ALG1: variants seen among roughly 807,000 people sequenced by gnomAD.
ALG1 encodes the protein ALG1 chitobiosyldiphosphodolichol beta-mannosyltransferase.
A neutral mutation model predicts 55.1 loss-of-function variants in ALG1; 58 were observed. The observed-to-expected ratio is 1.05, with a 90% confidence interval of 0.85 to 1.31. The LOEUF (loss-of-function observed/expected upper bound fraction) is 1.31. ALG1 is among the 50% of genes most tolerant of loss of function. The pLI, the probability that ALG1 is intolerant of heterozygous loss-of-function variation, is 0.00. For missense variants in ALG1, 761 were observed against 598.6 expected (o/e 1.27, Z -2.83); for synonymous variants, 309 against 247.0 (o/e 1.25, Z -2.35).
intron 5 of ALG1, 140 bp downstream of exon 5, chr16:5,077,674 G>C: frequency 1.9e-6 from 2 of 1,057,606 alleles, no homozygotes; most frequent in East Asian, 5.0e-5. Flanking sequence ...CTTTGGTTTG[G>C]GGAAGCTGGG....
In ALG1 at chr16:5,073,139, T is replaced by A; in HGVS notation, c.287-14T>A. The A allele has an allele frequency of 6.2e-7, 1 of 1,613,900 alleles. No homozygotes were observed. Among genetic ancestry groups the A allele is most frequent in the South Asian group, 1.1e-5 (1 of 91,086 alleles). On this transcript the variant is annotated splice_polypyrimidine_tract_variant and intron_variant, in intron 2 of 12. Coordinates refer to ENST00000262374, the MANE Select transcript of ALG1 (RefSeq NM_019109.5). ...ACGCTCCTTTGGTAGTCACAGGTGT[T>A]TTCTGACTTGCAGTTGGGCCCCGAG...
intron 10 of ALG1, among the ~76,000 whole-genome samples, chr16:5,081,422 G>C (rs1957016268): frequency 6.6e-6 from 1 of 152,252 alleles, no homozygotes; most frequent in African/African-American, 2.4e-5. Context: ...CCAGTGAGAT[G>C]GTTCTCCTTT....
intron 10 of ALG1, among the ~76,000 whole-genome samples, chr16:5,082,324 A>G (rs1480087579): frequency 7.1e-6 from 1 of 140,256 alleles, no homozygotes; most frequent in Non-Finnish European, 1.6e-5. Flanking sequence ...AAACAAAACA[A>G]CACAACAACA....
intron 9 of ALG1, among the ~76,000 whole-genome samples, chr16:5,080,483 G>A (rs1005245370): frequency 2.0e-5 from 3 of 152,222 alleles, no homozygotes; most frequent in African/African-American, 4.8e-5. Context: ...AAGCGGAAGC[G>A]GTGTGGGAAG....
Position 5,078,799 on chromosome 16 carries a change from G to A in ALG1, c.783G>A (p.Thr261=), listed in dbSNP as rs757859816. The change falls in exon 7 of 13, where the codon ACG becomes ACA. Residue 261 remains threonine (T), a synonymous_variant. Coordinates refer to ENST00000262374, the MANE Select transcript of ALG1 (RefSeq NM_019109.5). ...EDPVTERSAF[T]ERDAGSGLVT... is the part of the protein sequence containing the mutation. ...CAGTCACGGAGCGGTCGGCCTTCAC[G>A]GAGCGGGATGCTGGGAGCGGGCTGG... The A allele has an allele frequency of 7.4e-6, 12 of 1,612,734 alleles. No individual in the cohort carries two copies. The highest frequency in any genetic ancestry group is 5.0e-5 in the Admixed American group (3 of 59,996).
intron 5 of ALG1, 152 bp from the exon 6 acceptor site, chr16:5,077,755 C>T (rs1368205586): frequency 3.9e-6 from 4 of 1,026,040 alleles, no homozygotes; most frequent in East Asian, 2.5e-5. Context: ...GGACGTCTCT[C>T]TGTGCATTCC....
intron 3 of ALG1, 53 bp from the exon 4 acceptor site, chr16:5,075,335 T>A (rs1956890238): frequency 4.4e-6 from 7 of 1,588,210 alleles, no homozygotes; most frequent in Middle Eastern, 3.3e-4. Context: ...TTACTGGGTT[T>A]ATTGCCTAGC....
Position 5,072,002 on chromosome 16 carries a change from C to A in ALG1, c.153C>A (p.Tyr51Ter). Reference sequence around the variant, plus strand: ...TGGGCCGCAGCCCCCGTATGCAGTACCACGCGCTGTCGTTGGCCATGCACG... The same window carrying A: ...TGGGCCGCAGCCCCCGTATGCAGTAACACGCGCTGTCGTTGGCCATGCACG... ...GDVGRSPRMQYHALSLAMHGF... is the reference protein window; with the variant it reads ...GDVGRSPRMQ The change falls in exon 1 of 13, where the codon TAC (tyrosine) becomes TAA (stop). Residue 51 changes from tyrosine (Y) to a stop codon, truncating the protein, a stop_gained. Coordinates refer to ENST00000262374, the MANE Select transcript of ALG1 (RefSeq NM_019109.5). LOFTEE classifies it high-confidence loss of function. 2 of 1,598,054 alleles carry A rather than the reference C, an allele frequency of 1.3e-6. No individual in the cohort carries two copies. The highest frequency in any genetic ancestry group is 2.3e-5 in the East Asian group (1 of 44,088).
chr16:5,077,421 C>G (rs756866348), intron 4 of ALG1, 24 bp from the exon 5 acceptor site: 12 of 1,606,316 alleles, frequency 7.5e-6, no homozygotes, highest in African/African-American at 1.3e-5. Context: ...TAGGGCTCTG[C>G]TGACTGCTGA....
chr16:5,077,538 C>T lies in ALG1; in HGVS notation c.629+4C>T, dbSNP rs1368895001. 6.2e-7 allele frequency: 1 copy of T among 1,614,034 alleles called. No individual in the cohort carries two copies. Among genetic ancestry groups the T allele is most frequent in the Non-Finnish European group, 8.5e-7 (1 of 1,179,894 alleles). On this transcript the variant is annotated splice_donor_region_variant and intron_variant, in intron 5 of 12. Transcript: ENST00000262374. ...TGGCGGATAACTGGCACATCAGGTA[C>T]CATGGCCTGGGATGACGGCGGCCTG...
At chr16:5,074,735 A>G (rs1346453164) in intron 3 of ALG1, among the ~76,000 whole-genome samples, 1 of 152,178 alleles carries the variant, frequency 6.6e-6, no homozygotes, top group Non-Finnish European at 1.5e-5. Flanking sequence ...GCCCCCGCTG[A>G]GTGGGGGTAC....
intron 2 of ALG1, 50 bp downstream of exon 2, chr16:5,073,078 G>C (rs372900716): frequency 7.9e-5 from 128 of 1,611,440 alleles, no homozygotes; most frequent in Non-Finnish European, 1.0e-4. Flanking sequence ...GCTGGGGGCA[G>C]GGGGTGTTCG....
Position 5,081,009 on chromosome 16 carries a change from A to C in ALG1, c.1025A>C (p.Gln342Pro), listed in dbSNP as rs267606651. The change falls in exon 10 of 13, where the codon CAG becomes CCG. Residue 342 changes from glutamine (Q) to proline (P), a missense_variant. Physicochemically the swap from Gln to Pro is moderately conservative, Grantham distance 76 (BLOSUM62 -1). Transcript: ENST00000262374. ...CACCAGAAGCACTTCCAGCACATCC[A>C]GGTCTGCACCCCCTGGCTGGAGGCC... The part of the protein sequence containing the change: ...LIHQKHFQHI[Q>P]VCTPWLEAED... 3.9e-5 allele frequency: 61 copies of C among 1,583,738 alleles called. No individual in the cohort carries two copies. The highest frequency in any genetic ancestry group is 5.1e-5 in the Non-Finnish European group (60 of 1,172,042).
At chr16:5,078,981 G>A in intron 7 of ALG1, 83 bp from the exon 8 acceptor site, 3 of 1,595,192 alleles carry the variant, frequency 1.9e-6, no homozygotes, top group South Asian at 1.1e-5. Context: ...CCCTGCCACG[G>A]TCTCAATGAG....
At chr16:5,072,104 A>G in intron 1 of ALG1, 47 bp downstream of exon 1, 1 of 1,550,812 alleles carries the variant, frequency 6.4e-7, no homozygotes, top group Non-Finnish European at 8.7e-7. Flanking sequence ...TCAGCCGTTG[A>G]TCCTCGGTTC....
At chr16:5,072,109 C>T (rs1378656135) in intron 1 of ALG1, 52 bp downstream of exon 1, 1 of 1,550,312 alleles carries the variant, frequency 6.5e-7, no homozygotes, top group Admixed American at 2.0e-5. Context: ...CGTTGATCCT[C>T]GGTTCTAACC....
In ALG1 at chr16:5,082,817, C is replaced by T. The variant is rs1002103096; in HGVS notation, c.1187+144C>T. 5.0e-5 allele frequency: 46 copies of T among 922,634 alleles called. 1 individual carries two copies. Among genetic ancestry groups the T allele is most frequent in the Middle Eastern group, 3.2e-4 (1 of 3,100 alleles). 57.2% of individuals were successfully genotyped at this position (922,634 alleles called of 1,614,324 possible). The stretch of plus-strand genomic sequence containing the variant: ...CTGGAGGCCATGAGGAGGAGCCCTG[C>T]GGTTACTGTGGCTGGGCTGAGCCTC... On this transcript the variant is annotated intron_variant, in intron 11 of 12. Transcript: ENST00000262374.
At position 5,078,836 on chromosome 16, in the gene ALG1, C is replaced by A. The variant is rs201867255; in HGVS notation, c.820C>A (p.Arg274Ser). The A allele has an allele frequency of 6.2e-7, 1 of 1,612,070 alleles. No individual in the cohort carries two copies. Among genetic ancestry groups the A allele is most frequent in the East Asian group, 2.2e-5 (1 of 44,860 alleles). Residue 274 changes from arginine to serine, a missense_variant, in exon 7 of 13, where the codon CGT (arginine) becomes AGT (serine). Transcript: ENST00000262374. ...TGGGAGCGGGCTGGTGACGCGTCTC[C>A]GTGAGCGGCCAGCCCTGCTGGTCAG... is the stretch of plus-strand genomic sequence containing the variant. ...DAGSGLVTRL[R>S]ERPALLVSST...
At chr16:5,072,905 A>T in intron 1 of ALG1, 46 bp from the exon 2 acceptor site, 1 of 1,545,574 alleles carries the variant, frequency 6.5e-7, no homozygotes, top group Non-Finnish European at 8.9e-7. Context: ...ATCTGACTTT[A>T]GATTGCTGCT....
Sources: gnomAD v4.1 joint callset for allele counts (sites outside exome capture counted in the v4.1 genomes callset) on GRCh38, gnomAD v4.1.1 for gene constraint, MANE v1.5 for transcripts, NCBI Gene and HGNC (gene_info 2026-07-23, HGNC 2026-07-21) for gene names.